RPGRIP1: variants seen among roughly 807,000 people sequenced by gnomAD.
RPGRIP1 encodes the protein RPGR interacting protein 1.
A neutral mutation model predicts 157.9 loss-of-function variants in RPGRIP1; 128 were observed. The ratio of observed to expected loss-of-function variants is 0.81; its 90% CI spans 0.70 to 0.94. The LOEUF (loss-of-function observed/expected upper bound fraction) is 0.94. RPGRIP1 is among the 40% of genes least tolerant of loss of function. RPGRIP1 has a pLI of 0.00. For synonymous variants in RPGRIP1, 554 were observed against 571.6 expected (o/e 0.97, Z 0.44); for missense variants, 1,486 against 1,545.8 (o/e 0.96, Z 0.65).
chr14:21,293,618 C>T (rs984213198), intron 2 of RPGRIP1, among the ~76,000 whole-genome samples: 1 of 152,098 alleles, frequency 6.6e-6, no homozygotes, highest in Non-Finnish European at 1.5e-5. Flanking sequence ...GTGGCTCACA[C>T]CTGTAATCCC....
At position 21,282,034 on chromosome 14, in the gene RPGRIP1, G is replaced by A. The variant is rs1880151889; in HGVS notation, c.-39+1875G>A. Among the ~76,000 whole-genome samples the A allele has an allele frequency of 2.0e-5, 3 of 152,248 alleles. No individual in the cohort carries two copies. In the South Asian group the frequency reaches 6.2e-4, roughly 32 times the overall value. ...CGCTTGAACCCGGGAAGCGGAGGTTGCAGTAAACTGAGATTGCAACATTGC... is the reference window on the plus strand; with the variant it reads ...CGCTTGAACCCGGGAAGCGGAGGTTACAGTAAACTGAGATTGCAACATTGC... On this transcript the variant is annotated intron_variant, in intron 1 of 24. Transcript: ENST00000400017.
At chr14:21,342,324 C>T (rs1885094684) in intron 21 of RPGRIP1, among the ~76,000 whole-genome samples, 1 of 152,082 alleles carries the variant, frequency 6.6e-6, no homozygotes, top group South Asian at 2.1e-4. Context: ...GGACAGATTG[C>T]TTGAGTCCAG....
Position 21,343,238 on chromosome 14 carries a change from C to T in RPGRIP1, c.3532+10C>T, listed in dbSNP as rs1885200751. 1.5e-5 allele frequency: 24 copies of T among 1,606,998 alleles called. No individual in the cohort carries two copies. Among genetic ancestry groups the T allele is most frequent in the Non-Finnish European group, 2.0e-5 (24 of 1,176,346 alleles). ...TTTCACTTTAGCAAGGGTGAGGCAT[C>T]CTGTGTGGTTACTGGGGTGAGGAAG... On this transcript the variant is annotated intron_variant, in intron 22 of 24. Coordinates refer to ENST00000400017, the MANE Select transcript of RPGRIP1 (RefSeq NM_020366.4).
intron 20 of RPGRIP1, 126 bp from the exon 21 acceptor site, chr14:21,334,479 G>A: frequency 1.4e-6 from 1 of 711,694 alleles, no homozygotes; most frequent in Non-Finnish European, 2.6e-6. Flanking sequence ...TTCTTAGTAA[G>A]TGAAGGCAAA....
chr14:21,290,112 C>T (rs1021788774), intron 2 of RPGRIP1, among the ~76,000 whole-genome samples: 1 of 152,126 alleles, frequency 6.6e-6, no homozygotes, highest in African/African-American at 2.4e-5. Context: ...CTGCCTCGGC[C>T]TCCCAAAGTG....
intron 21 of RPGRIP1, among the ~76,000 whole-genome samples, chr14:21,338,337 G>T (rs569715463): frequency 4.3e-4 from 65 of 152,156 alleles, no homozygotes; most frequent in Non-Finnish European, 7.1e-4. Flanking sequence ...TTCTCTTATC[G>T]TGTCAATTTC....
chr14:21,284,623 C>T (rs1236341827), intron 1 of RPGRIP1, among the ~76,000 whole-genome samples: 2 of 147,116 alleles, frequency 1.4e-5, no homozygotes, highest in African/African-American at 5.0e-5. Context: ...CTGCTCACTG[C>T]ATCCTCCGCC....
chr14:21,305,779 T>A (rs888684777), intron 6 of RPGRIP1, among the ~76,000 whole-genome samples: 13 of 152,226 alleles, frequency 8.5e-5, no homozygotes, highest in African/African-American at 2.6e-4. Context: ...GCGAATAGCT[T>A]GAACCCGAGA....
At position 21,294,867 on chromosome 14, in the gene RPGRIP1, C is replaced by T. The variant is rs1279850498; in HGVS notation, c.218+58C>T. ...TTTTTTTTTTTTTTTTTTTTTGAGA[C>T]GGAGCCTTGCTCTGTTGCCCAGGCT... On this transcript the variant is annotated intron_variant, in intron 3 of 24. Transcript: ENST00000400017. The T allele has an allele frequency of 3.5e-4, 282 of 813,050 alleles. 1 individual carries two copies. Among genetic ancestry groups the T allele is most frequent in the Non-Finnish European group, 4.0e-4 (248 of 614,220 alleles). The allele number at this position is 813,050 out of a possible 1,614,324, so 50.4% of individuals were successfully genotyped here.
At chr14:21,300,861 A>T in intron 3 of RPGRIP1, 105 bp from the exon 4 acceptor site, 2 of 1,294,924 alleles carry the variant, frequency 1.5e-6, no homozygotes, top group South Asian at 2.6e-5. Context: ...AGATCACGGT[A>T]GATGAATACA....
chr14:21,332,645 C>T (rs530667749), intron 20 of RPGRIP1, among the ~76,000 whole-genome samples: 17 of 152,318 alleles, frequency 1.1e-4, no homozygotes, highest in Non-Finnish European at 1.8e-4. Flanking sequence ...TCTATATCCA[C>T]TAGCTTTTTC....
At chr14:21,299,172 C>T (rs1164321750) in intron 3 of RPGRIP1, among the ~76,000 whole-genome samples, 4 of 151,914 alleles carry the variant, frequency 2.6e-5, no homozygotes, top group African/African-American at 7.2e-5. Context: ...TGTGCCACCA[C>T]GTGCAGCTAA....
At chr14:21,311,655 G>T (rs1881546079) in intron 8 of RPGRIP1, 169 bp from the exon 9 acceptor site, 1 of 462,434 alleles carries the variant, frequency 2.2e-6, no homozygotes, top group Admixed American at 4.2e-5. Context: ...TACTTCCAGA[G>T]AAATGCTAGG....
intron 8 of RPGRIP1, among the ~76,000 whole-genome samples, chr14:21,311,294 G>A (rs1241291862): frequency 1.3e-5 from 2 of 152,250 alleles, no homozygotes; most frequent in Non-Finnish European, 2.9e-5. Flanking sequence ...GCTCACGCCT[G>A]TAATCCCAGC....
At chr14:21,291,097 A>AT (rs1880510843) in intron 2 of RPGRIP1, among the ~76,000 whole-genome samples, 1 of 151,784 alleles carries the variant, frequency 6.6e-6, no homozygotes, top group African/African-American at 2.4e-5. Context: ...CTTATTTGCC[A>AT]TTTGTATATC....
intron 12 of RPGRIP1, among the ~76,000 whole-genome samples, chr14:21,320,843 C>T (rs921728082): frequency 3.3e-5 from 5 of 152,076 alleles, no homozygotes; most frequent in Admixed American, 6.6e-5. Context: ...TCTGGTGATC[C>T]GCCCAACTCA....
chr14:21,312,540 A>C, intron 10 of RPGRIP1, 34 bp downstream of exon 10: 3 of 1,368,944 alleles, frequency 2.2e-6, no homozygotes, highest in Non-Finnish European at 3.1e-6. Context: ...GAGCAGTGTT[A>C]CTATGAAAGA....
Position 21,307,756 on chromosome 14 carries a change from C to G in RPGRIP1, c.826C>G (p.Leu276Val), listed in dbSNP as rs1330472538. ...LRASIKEKVELIRLKKLLHER... is the reference protein window; with the variant it reads ...LRASIKEKVEVIRLKKLLHER... ...AGCTTCCATTAAAGAGAAGGTAGAG[C>G]TGATTCGACTTAAGAAGCTCTTACA... is the stretch of plus-strand genomic sequence containing the variant. The change falls in exon 7 of 25, where the codon CTG becomes GTG. Residue 276 changes from leucine (L) to valine (V), a missense_variant. Coordinates refer to ENST00000400017, the MANE Select transcript of RPGRIP1 (RefSeq NM_020366.4). 3 of 1,565,582 alleles carry G rather than the reference C, an allele frequency of 1.9e-6. No homozygotes were observed. The highest frequency in any genetic ancestry group is 1.7e-6 in the Non-Finnish European group (2 of 1,154,180).
In RPGRIP1 at chr14:21,287,982, A is replaced by G. The variant is rs748819981; in HGVS notation, c.6A>G (p.Ser2=). 6 of 1,611,074 alleles carry G rather than the reference A, an allele frequency of 3.7e-6. No homozygotes were observed. The highest frequency in any genetic ancestry group is 5.1e-6 in the Non-Finnish European group (6 of 1,177,590). ...ACAGCTTGGGAACAGAGATCATGTCACATCTGGTGGACCCTACATCAGGAG... is the reference window on the plus strand; with the variant it reads ...ACAGCTTGGGAACAGAGATCATGTCGCATCTGGTGGACCCTACATCAGGAG... M[S]HLVDPTSGDL... is the part of the protein sequence containing the mutation. The change falls in exon 2 of 25, where the codon TCA becomes TCG. Residue 2 remains serine, a synonymous_variant. Coordinates refer to ENST00000400017, the MANE Select transcript of RPGRIP1 (RefSeq NM_020366.4).
Sources: allele counts gnomAD v4.1 joint callset (sites outside exome capture counted in the v4.1 genomes callset), GRCh38; gene constraint gnomAD v4.1.1; transcripts MANE v1.5; gene names NCBI Gene and HGNC (gene_info 2026-07-23, HGNC 2026-07-21).